OR3A2: variants seen among roughly 807,000 people sequenced by gnomAD.
OR3A2 encodes the protein olfactory receptor family 3 subfamily A member 2, also known as olfactory receptor 3A2.
For synonymous variants in OR3A2, 126 were observed against 159.3 expected, an observed-to-expected ratio of 0.79 and a Z score of 1.57; for missense variants, 318 against 392.8, an observed-to-expected ratio of 0.81 and a Z score of 1.61.
At chr17:3,365,371 TAAAG>T (rs1341713804) in intron 2 of OR3A2, among the ~76,000 whole-genome samples, 1 of 152,118 alleles carries the variant, frequency 6.6e-6, no homozygotes, top group Non-Finnish European at 1.5e-5. Context: ...TTTGAGGAAA[TAAAG>T]AAACTGAGGC....
At chr17:3,375,247 C>T (rs60727715) in intron 2 of OR3A2, among the ~76,000 whole-genome samples, 8,889 of 28,154 alleles carry the variant, frequency 0.32, 1,619 homozygotes, top group African/African-American at 0.51. Context: ...TTTTTTTTTC[C>T]CCCCCTTTTT....
At chr17:3,371,951 G>A (rs1251986167) in intron 2 of OR3A2, among the ~76,000 whole-genome samples, 1 of 150,256 alleles carries the variant, frequency 6.7e-6, no homozygotes, top group African/African-American at 2.5e-5. Flanking sequence ...CCCGGACGGG[G>A]TGGCTGCCAG....
intron 3 of OR3A2, among the ~76,000 whole-genome samples, chr17:3,334,118 A>G (rs1244834439): frequency 6.6e-6 from 1 of 152,234 alleles, no homozygotes; most frequent in Non-Finnish European, 1.5e-5. Context: ...GATGCTGGCG[A>G]GGTTGCAGAG....
chr17:3,371,531 A>G (rs1270337179), intron 2 of OR3A2, among the ~76,000 whole-genome samples: 1 of 96,358 alleles, frequency 1.0e-5, no homozygotes, highest in South Asian at 3.8e-4. Context: ...TGACCCCACC[A>G]CCTCCCTCCC....
chr17:3,285,985 A>G (rs1430890591), upstream of OR3A2, among the ~76,000 whole-genome samples: 1 of 152,144 alleles, frequency 6.6e-6, no homozygotes, highest in African/African-American at 2.4e-5. Flanking sequence ...TTACATAGGT[A>G]TACGTGTGCC....
At chr17:3,296,721 T>C (rs2048920902) in intron 3 of OR3A2, among the ~76,000 whole-genome samples, 1 of 152,132 alleles carries the variant, frequency 6.6e-6, no homozygotes, top group Admixed American at 6.5e-5. Flanking sequence ...ATGTGAAAAC[T>C]TGCTCGAGAA....
At chr17:3,348,488 TA>T (rs1340550372) in intron 2 of OR3A2, among the ~76,000 whole-genome samples, 1 of 152,000 alleles carries the variant, frequency 6.6e-6, no homozygotes, top group African/African-American at 2.4e-5. Context: ...GAAAAAAGAA[TA>T]AAAAGAAACG....
chr17:3,334,138 C>T (rs377252496), intron 3 of OR3A2, among the ~76,000 whole-genome samples: 41 of 152,224 alleles, frequency 2.7e-4, no homozygotes, highest in South Asian at 6.2e-4. Flanking sequence ...GAAAAAGGAG[C>T]GCTTTTACAT....
chr17:3,277,779 A>G, exon 2 of OR3A2: 1 of 619,234 alleles, frequency 1.6e-6, no homozygotes, highest in Admixed American at 3.1e-5. Flanking sequence ...CAGATCATAG[A>G]GGTACTCTAA....
At chr17:3,349,128 G>A (rs529714187) in intron 2 of OR3A2, among the ~76,000 whole-genome samples, 7 of 152,176 alleles carry the variant, frequency 4.6e-5, no homozygotes, top group South Asian at 2.1e-4. Context: ...ATCAACTAAC[G>A]TGCAAAATCA....
upstream of OR3A2, among the ~76,000 whole-genome samples, chr17:3,286,683 C>A (rs567146209): frequency 1.3e-5 from 2 of 150,980 alleles, no homozygotes; most frequent in African/African-American, 2.5e-5. Context: ...CCAGTGATGA[C>A]GAGATTTTTT....
intron 3 of OR3A2, among the ~76,000 whole-genome samples, chr17:3,326,512 A>T (rs1324362678): frequency 6.6e-6 from 1 of 151,840 alleles, no homozygotes; most frequent in East Asian, 1.9e-4. Flanking sequence ...CAGTTCCCGA[A>T]ATTAATACTT....
At chr17:3,374,449 T>C (rs1206949203) in intron 2 of OR3A2, among the ~76,000 whole-genome samples, 2 of 152,188 alleles carry the variant, frequency 1.3e-5, no homozygotes, top group African/African-American at 4.8e-5. Context: ...TTATGTTTGG[T>C]TGTTTAACAT....
intron 2 of OR3A2, among the ~76,000 whole-genome samples, chr17:3,377,280 T>C (rs913047804): frequency 1.3e-5 from 2 of 152,180 alleles, no homozygotes; most frequent in Admixed American, 1.3e-4. Flanking sequence ...CAGCCTCAGT[T>C]TGGTCATTTA....
chr17:3,361,108 T>C (rs1262586647), intron 2 of OR3A2, among the ~76,000 whole-genome samples: 3 of 151,530 alleles, frequency 2.0e-5, no homozygotes, highest in East Asian at 1.9e-4. Flanking sequence ...CAGTGGTTTG[T>C]AGTTCTCCTT....
At chr17:3,285,203 C>T (rs577924732), upstream of OR3A2, among the ~76,000 whole-genome samples, 1 of 151,962 alleles carries the variant, frequency 6.6e-6, no homozygotes, top group African/African-American at 2.4e-5. Flanking sequence ...AAGATGTAGG[C>T]GTGTGTTCCT....
intron 2 of OR3A2, among the ~76,000 whole-genome samples, chr17:3,371,252 TC>T (rs1471686591): frequency 4.9e-5 from 7 of 141,532 alleles, no homozygotes; most frequent in Non-Finnish European, 1.1e-4. Flanking sequence ...GGGGCTGACC[TC>T]CTCACCTCCC....
At chr17:3,363,087 T>C (rs1185092836) in intron 2 of OR3A2, among the ~76,000 whole-genome samples, 1 of 151,710 alleles carries the variant, frequency 6.6e-6, no homozygotes, top group Non-Finnish European at 1.5e-5. Context: ...GTGAAGAAGA[T>C]CTCTGAAATG....
chr17:3,341,822 T>C (rs2049321588), intron 2 of OR3A2, among the ~76,000 whole-genome samples: 1 of 152,224 alleles, frequency 6.6e-6, no homozygotes, highest in Non-Finnish European at 1.5e-5. Context: ...CCTTGCTAGG[T>C]TGGGGAAGTT....
Sources: allele counts gnomAD v4.1 joint callset (sites outside exome capture counted in the v4.1 genomes callset), GRCh38; gene constraint gnomAD v4.1.1; transcripts MANE v1.5; gene names NCBI Gene and HGNC (gene_info 2026-07-23, HGNC 2026-07-21).